Variants in BRCC3 observed in about 807,000 individuals in gnomAD.
BRCC3 encodes the protein lys-63-specific deubiquitinase BRCC36.
Under a neutral mutation model 28.0 loss-of-function variants are expected in BRCC3, and 15 were observed. The observed-to-expected ratio is 0.54, with a 90% CI of 0.36 to 0.82. The LOEUF (loss-of-function observed/expected upper bound fraction) is 0.82, where lower values mean the gene tolerates loss of function less well. BRCC3 is among the 40% of genes least tolerant of loss of function. The pLI, the probability that BRCC3 is intolerant of heterozygous loss-of-function variation, is 0.01. For missense variants in BRCC3, 109 were observed against 225.9 expected (o/e 0.48, Z 3.32); for synonymous variants, 66 against 80.3 (o/e 0.82, Z 0.95).
At chrX:155,089,434 T>C in intron 6 of BRCC3, 83 bp downstream of exon 6, 1 of 598,963 alleles carries the variant, frequency 1.7e-6, no homozygotes, top group South Asian at 3.8e-5. Flanking sequence ...GAAAAATCTC[T>C]TTGCGATTTT....
intron 5 of BRCC3, 32 bp downstream of exon 5, chrX:155,078,735 T>A: frequency 9.8e-7 from 1 of 1,020,274 alleles, no homozygotes. Context: ...TGTTTATTGT[T>A]TTCAGAAATT....
At chrX:155,081,093 G>A (rs2074081719) in intron 5 of BRCC3, among the ~76,000 whole-genome samples, 1 of 111,659 alleles carries the variant, frequency 9.0e-6, no homozygotes, top group African/African-American at 3.3e-5. Flanking sequence ...CACTTTGGCA[G>A]GATGAGGTAG....
chrX:155,074,581 T>C (rs782607246), intron 3 of BRCC3, among the ~76,000 whole-genome samples: 1 of 112,026 alleles, frequency 8.9e-6, no homozygotes, highest in African/African-American at 3.2e-5. Context: ...TCTTAGGCAC[T>C]GAAATCTCTG....
chrX:155,103,020 C>T (rs1216762536), intron 7 of BRCC3, among the ~76,000 whole-genome samples: 1 of 111,103 alleles, frequency 9.0e-6, no homozygotes, highest in Admixed American at 9.6e-5. Flanking sequence ...GGAAAAATTA[C>T]CCCTGGTTGA....
At chrX:155,097,933 T>C (rs1321011639) in intron 7 of BRCC3, among the ~76,000 whole-genome samples, 5 of 111,358 alleles carry the variant, frequency 4.5e-5, no homozygotes, top group Non-Finnish European at 9.4e-5. Context: ...GAGGCGGAGC[T>C]TGCAGTGAGC....
rs1557293432 is a variant in BRCC3 at position 155,075,333 on chromosome X, TC to T, written c.196-1833del. Among the ~76,000 whole-genome samples, 35 of 110,290 alleles carry T rather than the reference TC, an allele frequency of 3.2e-4. 1 individual carries two copies. Among genetic ancestry groups the T allele is most frequent in the Admixed American group, 2.5e-3 (26 of 10,576 alleles). ...TCTTCCCCACACTAAATGTGGCCAC[TC>T]CCCTTGATTCAGGCCAAGACCTCTG... On this transcript the variant is annotated intron_variant, in intron 3 of 10. Transcript: ENST00000330045.
intron 7 of BRCC3, among the ~76,000 whole-genome samples, chrX:155,102,388 T>A (rs1477044688): frequency 8.9e-6 from 1 of 112,508 alleles, no homozygotes; most frequent in Non-Finnish European, 1.9e-5. Context: ...TCCTATTCAT[T>A]GCTACTATAT....
intron 1 of BRCC3, 22 bp from the exon 2 acceptor site, chrX:155,072,305 T>C: frequency 3.4e-6 from 4 of 1,189,159 alleles, no homozygotes; most frequent in Non-Finnish European, 4.6e-6. Flanking sequence ...TCAATAATGT[T>C]TTTTGCTTTT....
intron 5 of BRCC3, among the ~76,000 whole-genome samples, chrX:155,086,671 G>C (rs2074132266): frequency 8.9e-6 from 1 of 111,739 alleles, no homozygotes; most frequent in African/African-American, 3.3e-5. Flanking sequence ...CTTCCTCAAA[G>C]CAGGACTGGG....
At chrX:155,106,235 T>G (rs2074283400) in intron 7 of BRCC3, among the ~76,000 whole-genome samples, 1 of 112,294 alleles carries the variant, frequency 8.9e-6, no homozygotes, top group African/African-American at 3.2e-5. Context: ...AAATTTATTC[T>G]TAAGCATTTA....
At chrX:155,083,194 A>G (rs886701565) in intron 5 of BRCC3, among the ~76,000 whole-genome samples, 14 of 112,740 alleles carry the variant, frequency 1.2e-4, no homozygotes, top group Middle Eastern at 4.6e-3. Flanking sequence ...GGACTTGGCC[A>G]TGCCAATTTG....
intron 4 of BRCC3, 76 bp downstream of exon 4, chrX:155,077,365 C>T: frequency 1.0e-6 from 1 of 967,095 alleles, no homozygotes; most frequent in East Asian, 4.1e-5. Flanking sequence ...TGCAGTCATC[C>T]TGCTTTAGGT....
At chrX:155,105,228 A>T (rs1474160309) in intron 7 of BRCC3, among the ~76,000 whole-genome samples, 1 of 112,024 alleles carries the variant, frequency 8.9e-6, no homozygotes, top group Admixed American at 9.4e-5. Context: ...CATGTCTGTA[A>T]TCCCAGCACT....
intron 2 of BRCC3, 50 bp downstream of exon 2, chrX:155,072,393 A>G: frequency 9.6e-7 from 1 of 1,041,236 alleles, no homozygotes. Context: ...AGTCATTGTT[A>G]ACCTAAAATT....
intron 5 of BRCC3, among the ~76,000 whole-genome samples, chrX:155,083,649 C>G (rs1318038869): frequency 8.9e-6 from 1 of 112,230 alleles, no homozygotes; most frequent in Non-Finnish European, 1.9e-5. Context: ...GAAACACGGT[C>G]CCTGCCTTCA....
At chrX:155,116,268 A>C (rs958843347) in intron 8 of BRCC3, 80 bp downstream of exon 8, 21 of 984,954 alleles carry the variant, frequency 2.1e-5, no homozygotes, top group Non-Finnish European at 2.4e-5. Flanking sequence ...TCTCTTTAGC[A>C]GCTCAACTCT....
chrX:155,097,354 G>A (rs2074216800), intron 7 of BRCC3, among the ~76,000 whole-genome samples: 1 of 111,749 alleles, frequency 8.9e-6, no homozygotes, highest in African/African-American at 3.3e-5. Flanking sequence ...ATCCTGAATA[G>A]ACATTTTTCC....
rs1352198417 is a variant in BRCC3, at chrX:155,122,765, C to T, written c.*1561C>T. 4.5e-5 allele frequency: 5 copies of T among 110,752 alleles called. No homozygotes were observed. Among genetic ancestry groups the T allele is most frequent in the Non-Finnish European group, 7.6e-5 (4 of 52,947 alleles). 9.1% of individuals were successfully genotyped at this position (110,752 alleles called of 1,213,427 possible). A position where few individuals can be genotyped will look rare whatever the true frequency, so the allele number is the denominator to read the frequency against. ...CTCAAATGGTCACATACTGTATGAT[C>T]GCATTTATATAACATTCTTGAGGTG... On this transcript the variant is annotated 3_prime_UTR_variant, in exon 11 of 11. Coordinates refer to ENST00000330045, the MANE Select transcript of BRCC3 (RefSeq NM_001018055.3).
chrX:155,108,425 C>T (rs1441631072), intron 7 of BRCC3, among the ~76,000 whole-genome samples: 3 of 112,197 alleles, frequency 2.7e-5, no homozygotes, highest in African/African-American at 9.7e-5. Context: ...CATGTGAATG[C>T]ATATCTTTTC....
Sources: gnomAD v4.1 joint callset for allele counts (sites outside exome capture counted in the v4.1 genomes callset) on GRCh38, gnomAD v4.1.1 for gene constraint, MANE v1.5 for transcripts, NCBI Gene and HGNC (gene_info 2026-07-23, HGNC 2026-07-21) for gene names.